FBXO31: variants seen among roughly 807,000 people sequenced by gnomAD.
FBXO31 encodes the protein F-box only protein 31.
A neutral mutation model predicts 54.4 loss-of-function variants in FBXO31; 24 were observed. That is an observed-to-expected ratio of 0.44 (90% CI 0.32 to 0.62). The LOEUF (loss-of-function observed/expected upper bound fraction) is 0.62. Among genes scored for constraint, FBXO31 ranks in the 20% least tolerant of loss-of-function variants. The pLI, the probability that FBXO31 is intolerant of heterozygous loss-of-function variation, is 0.05. For missense variants in FBXO31, 665 were observed against 787.1 expected (o/e 0.84, Z 1.86); for synonymous variants, 388 against 335.6 (o/e 1.16, Z -1.71).
rs759176925 is a variant in FBXO31, at chr16:87,343,610, G to A, written c.645C>T (p.His215=). ...ECMYGHKGPH[H]GHIQIVKKDE... ...CCGCTGCACACACCTGGATGTGGCC[G>A]TGGTGGGGCCCTTTGTGGCCGTACA... is the stretch of plus-strand genomic sequence containing the variant. Residue 215 remains histidine (H), a synonymous_variant, in exon 4 of 9, where the codon CAC becomes CAT. Transcript: ENST00000311635. The A allele has an allele frequency of 2.6e-5, 42 of 1,609,608 alleles. No homozygotes were observed. In the Middle Eastern group the frequency reaches 8.3e-4, roughly 32 times the overall value.
chr16:87,383,463 G>A lies in FBXO31; in HGVS notation c.282C>T (p.Cys94=). The A allele has an allele frequency of 6.3e-7, 1 of 1,592,052 alleles. No homozygotes were observed. Among genetic ancestry groups the A allele is most frequent in the Non-Finnish European group, 8.5e-7 (1 of 1,172,582 alleles). Residue 94 remains cysteine (C), a synonymous_variant, in exon 1 of 9, where the codon TGC becomes TGT. Transcript: ENST00000311635. This position sits in a 1 kb window ranked among gnomAD's most constrained non-coding sequence, Gnocchi z 4.9. ...GTDLPSLAQV[C]TKFRRILHTD... is the part of the protein sequence containing the mutation. ...TGTGGAGGATGCGCCGGAACTTCGT[G>A]CAGACCTGGGCCAAGCTGGGTAGGT...
chr16:87,363,352 A>C (rs868231037), intron 1 of FBXO31, among the ~76,000 whole-genome samples: 2 of 152,108 alleles, frequency 1.3e-5, no homozygotes, highest in Non-Finnish European at 2.9e-5. Context: ...CCACTGCACT[A>C]CAGCCTGGGC....
intron 1 of FBXO31, among the ~76,000 whole-genome samples, chr16:87,379,408 C>T (rs1324791353): frequency 6.6e-6 from 1 of 152,194 alleles, no homozygotes; most frequent in South Asian, 2.1e-4. Flanking sequence ...AGGAATTCAT[C>T]TTAAACAGGC....
At chr16:87,386,683 C>T (rs987833593), upstream of FBXO31, among the ~76,000 whole-genome samples, 85 of 152,228 alleles carry the variant, frequency 5.6e-4, no homozygotes, top group Admixed American at 2.6e-4. Context: ...ATCCACCCAC[C>T]TCGGCATCCC....
chr16:87,375,239 A>G (rs1020161811), intron 1 of FBXO31, among the ~76,000 whole-genome samples: 7 of 152,138 alleles, frequency 4.6e-5, no homozygotes, highest in South Asian at 2.1e-4. Context: ...CCCGGGAGGC[A>G]GAGCTTGCAG....
At chr16:87,370,487 C>T (rs77090836) in intron 1 of FBXO31, among the ~76,000 whole-genome samples, 2,396 of 152,342 alleles carry the variant, frequency 0.016, 37 homozygotes, top group Middle Eastern at 0.068. Context: ...GGGCACTCGA[C>T]ACCAGGGACT....
upstream of FBXO31, among the ~76,000 whole-genome samples, chr16:87,385,705 T>G (rs1025450176): frequency 4.6e-5 from 7 of 151,870 alleles, no homozygotes; most frequent in African/African-American, 1.7e-4. Flanking sequence ...GATGGGAGAA[T>G]GTTCTAGAAA....
intron 3 of FBXO31, among the ~76,000 whole-genome samples, chr16:87,344,866 C>A (rs1156832580): frequency 1.3e-5 from 2 of 152,044 alleles, no homozygotes; most frequent in Admixed American, 6.5e-5. Flanking sequence ...GGGGGCAAAA[C>A]CCATCCCTGC....
chr16:87,350,642 G>A (rs1406180849), intron 2 of FBXO31, among the ~76,000 whole-genome samples: 1 of 152,124 alleles, frequency 6.6e-6, no homozygotes, highest in African/African-American at 2.4e-5. Flanking sequence ...CTGGGCGGCT[G>A]GGTGATAACA....
At chr16:87,344,140 C>T (rs1014650709) in intron 3 of FBXO31, among the ~76,000 whole-genome samples, 1 of 152,262 alleles carries the variant, frequency 6.6e-6, no homozygotes, top group African/African-American at 2.4e-5. Context: ...CATCCCATGG[C>T]CTGGGCAACA....
chr16:87,388,646 G>A (rs981925076), upstream of FBXO31: 1 of 152,222 alleles, frequency 6.6e-6, no homozygotes, highest in East Asian at 1.9e-4. Flanking sequence ...TCATTTGACA[G>A]GTTCTTACAC....
chr16:87,342,725 C>T (rs140487009), intron 5 of FBXO31, 152 bp downstream of exon 5: 69 of 594,248 alleles, frequency 1.2e-4, no homozygotes, highest in Non-Finnish European at 1.4e-4. Flanking sequence ...GCCGGATGCA[C>T]GGTCTGCACT....
At chr16:87,373,028 C>A (rs535638464) in intron 1 of FBXO31, among the ~76,000 whole-genome samples, 1 of 148,848 alleles carries the variant, frequency 6.7e-6, no homozygotes, top group South Asian at 2.1e-4. Flanking sequence ...AGCCACTGCA[C>A]CCGGCCTCTT....
chr16:87,384,566 G>T (rs1907259378), upstream of FBXO31, among the ~76,000 whole-genome samples: 1 of 152,240 alleles, frequency 6.6e-6, no homozygotes. Flanking sequence ...GAGCGGGGTC[G>T]TCTCCCAGGT....
intron 3 of FBXO31, 151 bp from the exon 4 acceptor site, chr16:87,343,916 C>T (rs1326521557): frequency 4.1e-6 from 3 of 739,728 alleles, no homozygotes; most frequent in Admixed American, 2.8e-5. Context: ...TGCCTCGAAT[C>T]CCAGCACTAT....
intron 2 of FBXO31, among the ~76,000 whole-genome samples, chr16:87,352,320 T>A (rs1251114375): frequency 1.3e-5 from 2 of 152,158 alleles, no homozygotes; most frequent in South Asian, 4.2e-4. Context: ...ATTAAATAGA[T>A]GATTTAAAAG....
upstream of FBXO31, chr16:87,392,035 T>C (rs966111584): frequency 3.7e-5 from 7 of 187,386 alleles, no homozygotes; most frequent in South Asian, 1.8e-4. Context: ...GGCAGCAGGC[T>C]CCCGAGCGCC....
chr16:87,366,716 C>T (rs1332756842), intron 1 of FBXO31, among the ~76,000 whole-genome samples: 1 of 152,190 alleles, frequency 6.6e-6, no homozygotes, highest in Non-Finnish European at 1.5e-5. Context: ...CTCCAGCCAA[C>T]AGGATCATCC....
At chr16:87,333,798 T>C in intron 8 of FBXO31, 88 bp downstream of exon 8, 1 of 1,502,932 alleles carries the variant, frequency 6.7e-7, no homozygotes, top group Non-Finnish European at 8.9e-7. Context: ...TCACAGGCCC[T>C]CTCCGCCTGT....
Sources: allele counts gnomAD v4.1 joint callset (sites outside exome capture counted in the v4.1 genomes callset), GRCh38; gene constraint gnomAD v4.1.1; non-coding constraint Gnocchi (gnomAD v3.1); transcripts MANE v1.5; gene names NCBI Gene and HGNC (gene_info 2026-07-23, HGNC 2026-07-21).